Variants in TEPSIN observed in about 807,000 individuals in gnomAD.
The protein encoded by TEPSIN is TEPSIN adaptor related protein complex 4 accessory protein, also known as AP-4 complex accessory subunit tepsin.
TEPSIN carries 50 observed loss-of-function variants against 48.5 expected under a neutral mutation model. The observed-to-expected ratio is 1.03, with a 90% CI of 0.82 to 1.31. The LOEUF is 1.31. Ranked by LOEUF, TEPSIN falls within the 50% of genes most tolerant of loss-of-function variation. The pLI is 0.00. For missense variants in TEPSIN, 838 were observed against 815.9 expected, an observed-to-expected ratio of 1.03 and a Z score of -0.33; for synonymous variants, 392 against 358.8, an observed-to-expected ratio of 1.09 and a Z score of -1.05.
chr17:81,231,500 G>T, intron 10 of TEPSIN, 24 bp from the exon 11 acceptor site: 2 of 1,564,266 alleles, frequency 1.3e-6, no homozygotes, highest in Non-Finnish European at 1.7e-6. Flanking sequence ...ACACCTGGGT[G>T]GCGGGTGCGG....
At chr17:81,232,288 C>G (rs964401822) in intron 8 of TEPSIN, 27 bp downstream of exon 8, 51 of 1,499,246 alleles carry the variant, frequency 3.4e-5, no homozygotes, top group Non-Finnish European at 4.2e-5. Context: ...ACCCAGACCC[C>G]AAGGGGAGGA....
At chr17:81,235,158 C>T (rs917327610) in intron 4 of TEPSIN, among the ~76,000 whole-genome samples, 12 of 152,166 alleles carry the variant, frequency 7.9e-5, no homozygotes, top group East Asian at 1.9e-4. Flanking sequence ...ATAAACATTC[C>T]GAGCTTCTGA....
intron 1 of TEPSIN, chr17:81,238,771 G>A (rs2062771511): frequency 7.6e-7 from 1 of 1,311,710 alleles, no homozygotes; most frequent in Admixed American, 4.2e-5. Context: ...TCGCCCTTGC[G>A]CTCGGCGGGT....
intron 7 of TEPSIN, chr17:81,232,952 CA>C (rs1249099934): frequency 8.7e-6 from 2 of 230,704 alleles, no homozygotes; most frequent in African/African-American, 4.6e-5. Context: ...TAACGGTGAG[CA>C]GCTACACACC....
chr17:81,230,685 G>A lies in TEPSIN; in HGVS notation c.1099-7C>T. ...CGATGGCACACAGCGCCCTCTGCGGGTGAAGGGAGGGGACATCAGCACCCA... is the reference window on the plus strand; with the variant it reads ...CGATGGCACACAGCGCCCTCTGCGGATGAAGGGAGGGGACATCAGCACCCA... On this transcript the variant is annotated splice_polypyrimidine_tract_variant and splice_region_variant and intron_variant, in intron 11 of 12. Coordinates refer to ENST00000637944, the MANE Select transcript of TEPSIN (RefSeq NM_001363764.2). The surrounding 1 kb of genome is among the most constrained non-coding windows in gnomAD (Gnocchi z 4.2). 1 of 1,532,732 alleles carries A rather than the reference G, an allele frequency of 6.5e-7. No homozygotes were observed. The highest frequency in any genetic ancestry group is 8.8e-7 in the Non-Finnish European group (1 of 1,137,458). The allele number at this position is 1,532,732 out of a possible 1,614,324, so 94.9% of individuals were successfully genotyped here. A position where few individuals can be genotyped will look rare whatever the true frequency, so the allele number is the denominator to read the frequency against.
At chr17:81,232,184 T>G in intron 8 of TEPSIN, 131 bp downstream of exon 8, 1 of 1,313,220 alleles carries the variant, frequency 7.6e-7, no homozygotes, top group Non-Finnish European at 1.0e-6. Flanking sequence ...CATGGGCATG[T>G]GCTTCCGCCG....
chr17:81,231,485 AG>A lies in TEPSIN; in HGVS notation c.1020-10del. ...AGTTGAGCAGTCCACACCTGCACAG[AG>A]GGGACACCTGGGTGGCGGGTGCGGC... On this transcript the variant is annotated splice_polypyrimidine_tract_variant and intron_variant, in intron 10 of 12. Transcript: ENST00000637944. 6.4e-7 allele frequency: 1 copy of A among 1,569,512 alleles called. No homozygotes were observed. Among genetic ancestry groups the A allele is most frequent in the Non-Finnish European group, 8.6e-7 (1 of 1,157,134 alleles).
chr17:81,232,085 C>A, intron 8 of TEPSIN, 64 bp from the exon 9 acceptor site: 1 of 1,552,924 alleles, frequency 6.4e-7, no homozygotes, highest in Non-Finnish European at 8.7e-7. Flanking sequence ...GCCCACCTCC[C>A]GGGGCCCTGG....
intron 8 of TEPSIN, 98 bp downstream of exon 8, chr17:81,232,217 G>T: frequency 7.3e-7 from 1 of 1,372,732 alleles, no homozygotes; most frequent in Non-Finnish European, 9.7e-7. Flanking sequence ...CTCCTGCTGT[G>T]TGGGAGGCCC....
rs1022132545 is a variant in TEPSIN, at chr17:81,228,729, T to G, written c.*199A>C. On this transcript the variant is annotated 3_prime_UTR_variant, in exon 13 of 13. Transcript: ENST00000637944. ...TCGACATTTCTGAAGCCCTGCCACC[T>G]GCCATCCCTCGTAGGGATTCAAGTC... The G allele has an allele frequency of 1.5e-6, 1 of 658,190 alleles. No individual in the cohort carries two copies. The highest frequency in any genetic ancestry group is 2.6e-6 in the Non-Finnish European group (1 of 390,044). The allele number at this position is 658,190 out of a possible 1,614,324, so 40.8% of individuals were successfully genotyped here.
At position 81,233,721 on chromosome 17, in the gene TEPSIN, A is replaced by AG; in HGVS notation, c.376-6dup. 1 of 1,592,068 alleles carries AG rather than the reference A, an allele frequency of 6.3e-7. No homozygotes were observed. The highest frequency in any genetic ancestry group is 8.5e-7 in the Non-Finnish European group (1 of 1,171,510). On this transcript the variant is annotated splice_polypyrimidine_tract_variant and splice_region_variant and intron_variant, in intron 5 of 12. Transcript: ENST00000637944. The surrounding 1 kb of genome is among the most constrained non-coding windows in gnomAD (Gnocchi z 5.8). ...GAACAGGGTGCTCCCCAAGTCCTAC[A>AG]GGGGGAGGCGAAGGCCCTCAGTGTC...
At position 81,230,586 on chromosome 17, in the gene TEPSIN, G is replaced by A. The variant is rs1258117746; in HGVS notation, c.1191C>T (p.Leu397=). The change falls in exon 12 of 13, where the codon CTC becomes CTT. Residue 397 remains leucine, a synonymous_variant. Transcript: ENST00000637944. The surrounding 1 kb of genome is among the most constrained non-coding windows in gnomAD (Gnocchi z 4.2). ...TCACAGGTCCCGGGCTGCCCATGCT[G>A]AGCTCCTGCAGCCACGGCCGGGTGC... ...LLRTRPWLQE[L]SMGSPGPVTN... The A allele has an allele frequency of 1.9e-6, 3 of 1,611,584 alleles. No individual in the cohort carries two copies. Among genetic ancestry groups the A allele is most frequent in the Non-Finnish European group, 2.5e-6 (3 of 1,179,056 alleles).
rs1448382293 is a variant in TEPSIN at position 81,230,697 on chromosome 17, G to A, written c.1099-19C>T. 1.3e-6 allele frequency: 2 copies of A among 1,519,686 alleles called. No homozygotes were observed. Among genetic ancestry groups the A allele is most frequent in the Admixed American group, 2.1e-5 (1 of 48,026 alleles). The allele number at this position is 1,519,686 out of a possible 1,614,324, so 94.1% of individuals were successfully genotyped here. A position where few individuals can be genotyped will look rare whatever the true frequency, so the allele number is the denominator to read the frequency against. ...GCGCCCTCTGCGGGTGAAGGGAGGG[G>A]ACATCAGCACCCATGGGGCAGCAGG... On this transcript the variant is annotated intron_variant, in intron 11 of 12. Transcript: ENST00000637944. The surrounding 1 kb of genome is among the most constrained non-coding windows in gnomAD (Gnocchi z 4.2).
At position 81,237,399 on chromosome 17, in the gene TEPSIN, C is replaced by T; in HGVS notation, c.109G>A (p.Glu37Lys). Residue 37 changes from glutamate (E) to lysine (K), a missense_variant, in exon 2 of 13, where the codon GAA becomes AAA. Transcript: ENST00000637944. ...DDVPCPGYLF[E>K]EIAKISHESP... ...CAAGGAAGGATACTAGCAATCTCTT[C>T]AAACAGGTAGCCCGGACACGGGACA... 5.0e-6 allele frequency: 8 copies of T among 1,611,678 alleles called. No homozygotes were observed. The highest frequency in any genetic ancestry group is 6.8e-6 in the Non-Finnish European group (8 of 1,179,330).
chr17:81,229,215 G>C lies in TEPSIN; in HGVS notation c.1495C>G (p.Pro499Ala). The C allele has an allele frequency of 1.2e-6, 2 of 1,604,946 alleles. No homozygotes were observed. The highest frequency in any genetic ancestry group is 1.1e-5 in the South Asian group (1 of 89,902). ...GCCAGTCTGGCCTCGGCCTCGCTGGGGTCTCCGGGGGCTGGAATGGGGGAG... is the reference window on the plus strand; with the variant it reads ...GCCAGTCTGGCCTCGGCCTCGCTGGCGTCTCCGGGGGCTGGAATGGGGGAG... ...DASPIPAPGD[P>A]SEAEARLAES... Residue 499 changes from proline (P) to alanine (A), a missense_variant, in exon 13 of 13, where the codon CCC (proline) becomes GCC (alanine). Transcript: ENST00000637944.
chr17:81,232,383 A>G lies in TEPSIN; in HGVS notation c.662T>C (p.Met221Thr). Residue 221 changes from methionine to threonine, a missense_variant, in exon 8 of 13, where the codon ATG becomes ACG. Physicochemically the swap from Met to Thr is moderately conservative, Grantham distance 81. Transcript: ENST00000637944. ...PRGDTYQPAMMPSASHGPPTL... is the reference protein window; with the variant it reads ...PRGDTYQPAMTPSASHGPPTL... ...TGGGGGACCGTGGCTGGCTGAAGGCATCATGGCAGGCTGGTAGGTGTCACC... is the reference window on the plus strand; with the variant it reads ...TGGGGGACCGTGGCTGGCTGAAGGCGTCATGGCAGGCTGGTAGGTGTCACC... 1.3e-6 allele frequency: 2 copies of G among 1,535,748 alleles called. No individual in the cohort carries two copies.
chr17:81,238,777 CG>C (rs892302427), intron 1 of TEPSIN: 13 of 1,312,798 alleles, frequency 9.9e-6, no homozygotes, highest in African/African-American at 1.6e-5. Context: ...TTGCGCTCGG[CG>C]GGTCCGGCTT....
Position 81,229,468 on chromosome 17 carries a change from C to T in TEPSIN, c.1242G>A (p.Arg414=), listed in dbSNP as rs1420411607. 1 of 1,549,184 alleles carries T rather than the reference C, an allele frequency of 6.5e-7. No homozygotes were observed. The highest frequency in any genetic ancestry group is 1.4e-5 in the African/African-American group (1 of 72,864). The change falls in exon 13 of 13, where the codon AGG becomes AGA. Residue 414 remains arginine (R), a synonymous_variant. Transcript: ENST00000637944. ...GCTGCCCACAGGAGGCCTCAAAGTG[C>T]CTCAGGATCTGAAAGAGGAAGGAGG... The part of the protein sequence containing the change: ...PVTNKATKIL[R]HFEASCGQLS...
In TEPSIN at chr17:81,233,405, G is replaced by A; in HGVS notation, c.526+27C>T. On this transcript the variant is annotated intron_variant, in intron 7 of 12. Transcript: ENST00000637944. The surrounding 1 kb of genome is among the most constrained non-coding windows in gnomAD (Gnocchi z 5.8). ...CTCATCCCCACACCCTGAGATGCCA[G>A]AGCCCATGCAGGCCCTCCCCACTCA... The A allele has an allele frequency of 4.4e-6, 7 of 1,607,694 alleles. No individual in the cohort carries two copies. Among genetic ancestry groups the A allele is most frequent in the Non-Finnish European group, 5.9e-6 (7 of 1,178,698 alleles).
Sources: gnomAD v4.1 joint callset for allele counts (sites outside exome capture counted in the v4.1 genomes callset) on GRCh38, gnomAD v4.1.1 for gene constraint, Gnocchi (gnomAD v3.1) non-coding constraint, MANE v1.5 for transcripts, NCBI Gene and HGNC (gene_info 2026-07-23, HGNC 2026-07-21) for gene names.